The following EPAS1 variants were observed in gnomAD, a reference collection of about 807,000 sequenced individuals.
EPAS1 encodes the protein endothelial PAS domain protein 1.
In EPAS1, 23 loss-of-function variants were observed where a neutral mutation model predicts 87.9. That is an observed-to-expected ratio of 0.26 (90% CI 0.19 to 0.37). The LOEUF (loss-of-function observed/expected upper bound fraction) is 0.37. Ranked by LOEUF, EPAS1 falls within the 10% of genes least tolerant of loss-of-function variation. The probability of loss-of-function intolerance (pLI) is 1.00; values close to 1 mark genes in which losing one functional copy is unlikely to be tolerated. For synonymous variants in EPAS1, 508 were observed against 444.3 expected (o/e 1.14, Z -1.80); for missense variants, 1,138 against 1,120.7 (o/e 1.02, Z -0.22).
In EPAS1 at chr2:46,380,643, G is replaced by C. The variant is rs777138430; in HGVS notation, c.1971G>C (p.Gln657His). Residue 657 changes from glutamine (Q) to histidine (H), a missense_variant, in exon 12 of 16, where the codon CAG (glutamine) becomes CAC (histidine). By Grantham distance (24) the Gln-to-His change is conservative. This residue lies in a region of EPAS1 where 502 missense variants were observed against 427.1 expected (regional missense o/e 1.18). Coordinates refer to ENST00000263734, the MANE Select transcript of EPAS1 (RefSeq NM_001430.5). The surrounding 1 kb of genome is among the most constrained non-coding windows in gnomAD (Gnocchi z 4.4). ...FGPTKWAVGD[Q>H]RTEFLGAAPL... is the part of the protein sequence containing the mutation. ...CCACAAAGTGGGCCGTCGGGGATCAGCGCACAGAGTTCTTGGGAGCAGCGC... is the reference window on the plus strand; with the variant it reads ...CCACAAAGTGGGCCGTCGGGGATCACCGCACAGAGTTCTTGGGAGCAGCGC... 6.2e-7 allele frequency: 1 copy of C among 1,614,124 alleles called. No homozygotes were observed. Among genetic ancestry groups the C allele is most frequent in the Non-Finnish European group, 8.5e-7 (1 of 1,180,010 alleles).
At position 46,300,349 on chromosome 2, in the gene EPAS1, C is replaced by T. The variant is rs56972912; in HGVS notation, c.26+2412C>T. On this transcript the variant is annotated intron_variant, in intron 1 of 15. Transcript: ENST00000263734. This position sits in a 1 kb window ranked among gnomAD's most constrained non-coding sequence, Gnocchi z 4.1. ...TTGGTTTAGCAGAGCAGTTTCTTCC[C>T]CCAAATGCAATATGGGCAGAACATT... Among the ~76,000 whole-genome samples, 320 of 152,268 alleles carry T rather than the reference C, an allele frequency of 2.1e-3. 2 individuals carry two copies. Among genetic ancestry groups the T allele is most frequent in the African/African-American group, 7.5e-3 (311 of 41,538 alleles).
At chr2:46,309,221 C>T (rs543256607) in intron 1 of EPAS1, among the ~76,000 whole-genome samples, 155 of 152,342 alleles carry the variant, frequency 1.0e-3, no homozygotes, top group African/African-American at 3.6e-3. Context: ...ATGCGTAGAG[C>T]AGGGTTTGTG....
chr2:46,361,609 A>T (rs1684388176), intron 6 of EPAS1, among the ~76,000 whole-genome samples: 1 of 152,204 alleles, frequency 6.6e-6, no homozygotes, highest in Non-Finnish European at 1.5e-5. Flanking sequence ...GCTGAGCCAG[A>T]TGCTAACCCC....
At chr2:46,302,159 TCG>T (rs1683017265) in intron 1 of EPAS1, among the ~76,000 whole-genome samples, 1 of 119,528 alleles carries the variant, frequency 8.4e-6, no homozygotes, top group African/African-American at 4.5e-5. Context: ...TGCCCGTGCG[TCG>T]GGGGGGGGGG....
rs61757375 is a variant in EPAS1, at chr2:46,376,608, G to A, written c.1104G>A (p.Met368Ile). The A allele has an allele frequency of 1.2e-3, 1,937 of 1,614,148 alleles. 2 individuals are homozygous for A. The highest frequency in any genetic ancestry group is 1.5e-3 in the Non-Finnish European group (1,731 of 1,180,028). Reference sequence around the variant, plus strand: ...AATCCCTGTTCAAGCCCCACCTGATGGCCATGAACAGCATCTTTGATAGCA... The same window carrying A: ...AATCCCTGTTCAAGCCCCACCTGATAGCCATGAACAGCATCTTTGATAGCA... The part of the protein sequence containing the change: ...QTESLFKPHL[M>I]AMNSIFDSSG... Residue 368 changes from methionine to isoleucine, a missense_variant, in exon 9 of 16, where the codon ATG becomes ATA. Physicochemically the swap from Met to Ile is conservative, Grantham distance 10. This residue lies in a region of EPAS1 where 284 missense variants were observed against 258.4 expected (regional missense o/e 1.10). Transcript: ENST00000263734.
intron 6 of EPAS1, among the ~76,000 whole-genome samples, chr2:46,369,619 G>T (rs1684582887): frequency 6.6e-6 from 1 of 152,146 alleles, no homozygotes; most frequent in Non-Finnish European, 1.5e-5. Flanking sequence ...TTCAGGAAGG[G>T]CAGGAACAAC....
chr2:46,349,185 G>T (rs547223715), intron 2 of EPAS1, among the ~76,000 whole-genome samples: 2 of 152,220 alleles, frequency 1.3e-5, no homozygotes, highest in Non-Finnish European at 2.9e-5. Context: ...AGAAGCAGCT[G>T]GGGGCCAGCG....
chr2:46,371,391 T>G lies in EPAS1; in HGVS notation c.886+1458T>G, dbSNP rs1179085815. 6.6e-6 allele frequency among the ~76,000 whole-genome samples: 1 copy of G among 152,188 alleles called. No homozygotes were observed. Among genetic ancestry groups the G allele is most frequent in the Admixed American group, 6.5e-5 (1 of 15,286 alleles). ...TCCTCTGCCTCTTCCTCATGGCTTT[T>G]GGGTTTGATTTGACAGTACAACAGG... On this transcript the variant is annotated intron_variant, in intron 7 of 15. Transcript: ENST00000263734. This position sits in a 1 kb window ranked among gnomAD's most constrained non-coding sequence, Gnocchi z 4.3.
intron 1 of EPAS1, among the ~76,000 whole-genome samples, chr2:46,308,650 C>T (rs1055917545): frequency 1.3e-5 from 2 of 152,180 alleles, no homozygotes; most frequent in Non-Finnish European, 2.9e-5. Context: ...TGGGGGACCA[C>T]AGTCAGGTCT....
rs748992046 is a variant in EPAS1, at chr2:46,378,030, A to G, written c.1386A>G (p.Ala462=). The change falls in exon 10 of 16, where the codon GCA becomes GCG. Residue 462 remains alanine, a synonymous_variant. Coordinates refer to ENST00000263734, the MANE Select transcript of EPAS1 (RefSeq NM_001430.5). ...TGCCTGCCTTCACCGTGCCCCAGGC[A>G]GCTGCCCCGGGCAGCACCACCCCCA... The part of the protein sequence containing the change: ...GSLPAFTVPQ[A]AAPGSTTPSA... The G allele has an allele frequency of 2.4e-5, 38 of 1,604,864 alleles. No individual in the cohort carries two copies. Among genetic ancestry groups the G allele is most frequent in the Non-Finnish European group, 3.1e-5 (37 of 1,176,700 alleles).
At chr2:46,319,110 A>G (rs1683404935) in intron 1 of EPAS1, among the ~76,000 whole-genome samples, 1 of 152,232 alleles carries the variant, frequency 6.6e-6, no homozygotes, top group East Asian at 1.9e-4. Flanking sequence ...TGTGTTAGCT[A>G]TGGTGCCCCA....
chr2:46,340,304 ACTGTCAGCG>A (rs60771879), intron 1 of EPAS1, among the ~76,000 whole-genome samples: 4,320 of 152,212 alleles, frequency 0.028, 194 homozygotes, highest in African/African-American at 0.099. Context: ...CCCAGACATT[ACTGTCAGCG>A]CTGAATGCAG....
intron 12 of EPAS1, 126 bp from the exon 13 acceptor site, chr2:46,381,470 T>C: frequency 6.7e-7 from 1 of 1,489,052 alleles, no homozygotes; most frequent in Non-Finnish European, 9.3e-7. Flanking sequence ...TCTGAGACTC[T>C]GCCTTTTGGG....
chr2:46,356,632 T>A, intron 3 of EPAS1, 92 bp from the exon 4 acceptor site: 2 of 1,014,010 alleles, frequency 2.0e-6, no homozygotes, highest in South Asian at 2.6e-5. Flanking sequence ...GTCTCCTCCC[T>A]GCCTCCAAAT....
chr2:46,356,389 T>C, intron 3 of EPAS1, 87 bp downstream of exon 3: 1 of 1,550,380 alleles, frequency 6.5e-7, no homozygotes, highest in Non-Finnish European at 8.9e-7. Context: ...ACAATCCCAC[T>C]TGACCTCTCC....
rs137975642 is a variant in EPAS1 at position 46,347,631 on chromosome 2, G to C, written c.217+568G>C. On this transcript the variant is annotated intron_variant, in intron 2 of 15. Transcript: ENST00000263734. The surrounding 1 kb of genome is among the most constrained non-coding windows in gnomAD (Gnocchi z 4.2). ...TGAAATGATGTCCATAAAGCACCTG[G>C]CCTGGCTGAGCTCACTCACACTGGG... The C allele has an allele frequency of 3.0e-5, 5 of 168,720 alleles. No individual in the cohort carries two copies. The highest frequency in any genetic ancestry group is 3.2e-4 in the East Asian group (2 of 6,328). 10.5% of individuals were successfully genotyped at this position (168,720 alleles called of 1,614,324 possible).
intron 1 of EPAS1, among the ~76,000 whole-genome samples, chr2:46,302,041 G>A (rs1452796771): frequency 6.6e-5 from 10 of 151,690 alleles, no homozygotes; most frequent in Non-Finnish European, 1.3e-4. Context: ...TTTGTACTGG[G>A]TTAGTTGGCA....
chr2:46,307,801 G>C (rs984076369), intron 1 of EPAS1, among the ~76,000 whole-genome samples: 3 of 152,224 alleles, frequency 2.0e-5, no homozygotes, highest in African/African-American at 7.2e-5. Flanking sequence ...ACATGGTGCT[G>C]ATCCTGCAGC....
At chr2:46,345,782 C>T (rs1017737615) in intron 1 of EPAS1, among the ~76,000 whole-genome samples, 9 of 152,030 alleles carry the variant, frequency 5.9e-5, no homozygotes. Flanking sequence ...ATAGAATTGT[C>T]CTGTACTGTT....
Sources: allele counts gnomAD v4.1 joint callset (sites outside exome capture counted in the v4.1 genomes callset), GRCh38; gene constraint gnomAD v4.1.1; regional missense constraint gnomAD v4.1.1; non-coding constraint Gnocchi (gnomAD v3.1); transcripts MANE v1.5; gene names NCBI Gene and HGNC (gene_info 2026-07-23, HGNC 2026-07-21).